Variants in NRCAM observed in about 807,000 individuals in gnomAD.
The protein encoded by NRCAM is neuronal cell adhesion molecule, also known as NgCAM-related cell adhesion molecule.
NRCAM carries 83 observed loss-of-function variants against 156.5 expected under a neutral mutation model. The observed-to-expected ratio is 0.53, with a 90% CI of 0.44 to 0.64. The LOEUF is 0.64. Among genes scored for constraint, NRCAM ranks in the 30% least tolerant of loss-of-function variants. The pLI, the probability that NRCAM is intolerant of heterozygous loss-of-function variation, is 0.00. For synonymous variants in NRCAM, 538 were observed against 563.9 expected (o/e 0.95, Z 0.65); for missense variants, 1,417 against 1,597.3 (o/e 0.89, Z 1.92).
At chr7:108,215,212 ATTT>A (rs71137615) in intron 11 of NRCAM, among the ~76,000 whole-genome samples, 4 of 126,552 alleles carry the variant, frequency 3.2e-5, no homozygotes, top group Admixed American at 8.3e-5. Context: ...GTGTCCCACT[ATTT>A]TTTTTTTTTT....
intron 1 of NRCAM, among the ~76,000 whole-genome samples, chr7:108,417,781 T>C (rs1307902713): frequency 6.6e-6 from 1 of 152,200 alleles, no homozygotes; most frequent in African/African-American, 2.4e-5. Context: ...TTTTTTCTTT[T>C]GCAAGTTACA....
chr7:108,295,427 GC>G (rs1190834641), intron 3 of NRCAM, among the ~76,000 whole-genome samples: 1 of 152,174 alleles, frequency 6.6e-6, no homozygotes, highest in East Asian at 1.9e-4. Context: ...AGGCCAAGGT[GC>G]TGGCAGATTC....
intron 22 of NRCAM, 56 bp downstream of exon 22, chr7:108,184,185 C>A: frequency 3.5e-6 from 5 of 1,427,660 alleles, no homozygotes; most frequent in Non-Finnish European, 4.9e-6. Flanking sequence ...TATTTTCAAA[C>A]AACTTTTTTT....
chr7:108,360,013 A>G (rs919491491), intron 2 of NRCAM, among the ~76,000 whole-genome samples: 1 of 152,220 alleles, frequency 6.6e-6, no homozygotes, highest in East Asian at 1.9e-4. Context: ...TTTTAGATTC[A>G]TCCATGTTCC....
chr7:108,346,106 G>T (rs7811595), intron 2 of NRCAM, among the ~76,000 whole-genome samples: 11,378 of 152,204 alleles, frequency 0.075, 436 homozygotes, highest in East Asian at 0.11. Context: ...AATTATGCAG[G>T]CTTCAAGGCA....
At chr7:108,230,774 T>C (rs2094224466) in intron 8 of NRCAM, among the ~76,000 whole-genome samples, 1 of 152,040 alleles carries the variant, frequency 6.6e-6, no homozygotes, top group East Asian at 1.9e-4. Flanking sequence ...ATTTTCTAAA[T>C]GTACTTATTG....
At chr7:108,404,446 C>T (rs1000501900) in intron 1 of NRCAM, among the ~76,000 whole-genome samples, 18 of 152,156 alleles carry the variant, frequency 1.2e-4, no homozygotes, top group Non-Finnish European at 2.6e-4. Flanking sequence ...TCATTTAATA[C>T]TGAAAACGTC....
intron 31 of NRCAM, 102 bp downstream of exon 31, chr7:108,160,259 G>T: frequency 1.7e-6 from 2 of 1,208,788 alleles, no homozygotes; most frequent in Non-Finnish European, 2.4e-6. Context: ...CATGGCTCTG[G>T]GAAGACAAAA....
chr7:108,226,222 A>T lies in NRCAM; in HGVS notation c.707T>A (p.Val236Glu). ...QTIQQKQPIS[V>E]KVISVDELND... ...TGAACTCTTACCTGAAATCACCTTC[A>T]CAGAAATAGGTTGCTTCTGCTGTAT... The change falls in exon 9 of 33, where the codon GTG becomes GAG. Residue 236 changes from valine (V) to glutamate (E), a missense_variant. Around this residue, in one of 2 missense-constraint regions of NRCAM, gnomAD observed 1,238 missense variants for 1,336.4 expected, o/e 0.93. Transcript: ENST00000379028. 1 of 1,594,012 alleles carries T rather than the reference A, an allele frequency of 6.3e-7. No homozygotes were observed. Among genetic ancestry groups the T allele is most frequent in the Non-Finnish European group, 8.5e-7 (1 of 1,174,252 alleles).
intron 2 of NRCAM, among the ~76,000 whole-genome samples, chr7:108,325,722 A>ATT (rs1305186897): frequency 6.6e-6 from 1 of 151,946 alleles, no homozygotes; most frequent in East Asian, 1.9e-4. Flanking sequence ...GAGAGCAGGA[A>ATT]TTTTTGTCTG....
intron 11 of NRCAM, among the ~76,000 whole-genome samples, chr7:108,220,627 G>T (rs1308544791): frequency 6.6e-6 from 1 of 152,110 alleles, no homozygotes; most frequent in African/African-American, 2.4e-5. Context: ...ATTGGTGTTG[G>T]GATAATTGGC....
chr7:108,364,686 C>G, intron 2 of NRCAM, among the ~76,000 whole-genome samples: 1 of 151,380 alleles, frequency 6.6e-6, no homozygotes, highest in Non-Finnish European at 1.5e-5. Context: ...ATATGGCTGC[C>G]ACTTTACAAC....
At chr7:108,222,249 G>C (rs1368388102) in intron 11 of NRCAM, among the ~76,000 whole-genome samples, 1 of 152,116 alleles carries the variant, frequency 6.6e-6, no homozygotes, top group Non-Finnish European at 1.5e-5. Flanking sequence ...TGTTTTGGAG[G>C]CCAGCTACTG....
At chr7:108,336,019 G>A (rs1157458536) in intron 2 of NRCAM, among the ~76,000 whole-genome samples, 1 of 152,114 alleles carries the variant, frequency 6.6e-6, no homozygotes, top group African/African-American at 2.4e-5. Context: ...ACACATAAAT[G>A]GACGTCCAGA....
intron 3 of NRCAM, among the ~76,000 whole-genome samples, chr7:108,309,565 A>G (rs912290887): frequency 6.6e-6 from 1 of 152,182 alleles, no homozygotes; most frequent in Non-Finnish European, 1.5e-5. Context: ...GTTAAATTGT[A>G]TTAAAAATTG....
rs777658664 is a variant in NRCAM at position 108,209,443 on chromosome 7, A to G, written c.1053T>C (p.His351=). ...IAKNALGAIH[H]TISVRVKAAP... is the part of the protein sequence containing the mutation. ...TACCTTTAACTCTAACAGAAATGGT[A>G]TGGTGGATGGCTCCTAATGCGTTTT... The change falls in exon 12 of 33, where the codon CAT becomes CAC. Residue 351 remains histidine, a synonymous_variant. Coordinates refer to ENST00000379028, the MANE Select transcript of NRCAM (RefSeq NM_001037132.4). 1 of 1,600,418 alleles carries G rather than the reference A, an allele frequency of 6.2e-7. No individual in the cohort carries two copies. The highest frequency in any genetic ancestry group is 8.5e-7 in the Non-Finnish European group (1 of 1,174,488).
intron 1 of NRCAM, among the ~76,000 whole-genome samples, chr7:108,443,933 T>C (rs931805315): frequency 6.6e-6 from 1 of 152,046 alleles, no homozygotes; most frequent in African/African-American, 2.4e-5. Context: ...CATACATAGA[T>C]ACAGGTGTAG....
intron 13 of NRCAM, among the ~76,000 whole-genome samples, chr7:108,205,581 C>T (rs191545742): frequency 1.3e-5 from 2 of 152,318 alleles, no homozygotes; most frequent in East Asian, 3.9e-4. Context: ...TGGATGGTTC[C>T]TTCCACTTGT....
At chr7:108,392,006 C>T (rs190869433) in intron 2 of NRCAM, among the ~76,000 whole-genome samples, 5,874 of 152,232 alleles carry the variant, frequency 0.039, 182 homozygotes, top group Non-Finnish European at 0.059. Flanking sequence ...TGCCCTTAAC[C>T]TTTTTTCCTT....
Sources: gnomAD v4.1 joint callset for allele counts (sites outside exome capture counted in the v4.1 genomes callset) on GRCh38, gnomAD v4.1.1 for gene constraint, gnomAD v4.1.1 regional missense constraint, MANE v1.5 for transcripts, NCBI Gene and HGNC (gene_info 2026-07-23, HGNC 2026-07-21) for gene names.